EPHB1: variants seen among roughly 807,000 people sequenced by gnomAD.
EPHB1 encodes the protein ephrin type-B receptor 1.
Under a neutral mutation model 94.4 loss-of-function variants are expected in EPHB1, and 30 were observed. The ratio of observed to expected loss-of-function variants is 0.32; its 90% CI spans 0.24 to 0.43. The LOEUF (loss-of-function observed/expected upper bound fraction) is 0.43, where lower values mean the gene tolerates loss of function less well. Ranked by LOEUF, EPHB1 falls within the 20% of genes least tolerant of loss-of-function variation. The probability of loss-of-function intolerance (pLI) is 1.00; values close to 1 mark genes in which losing one functional copy is unlikely to be tolerated. For missense variants in EPHB1, 1,055 were observed against 1,308.3 expected (o/e 0.81, Z 2.99); for synonymous variants, 522 against 489.1 (o/e 1.07, Z -0.89).
At chr3:135,024,858 T>A (rs879734848) in intron 3 of EPHB1, among the ~76,000 whole-genome samples, 1 of 152,158 alleles carries the variant, frequency 6.6e-6, no homozygotes, top group Non-Finnish European at 1.5e-5. Flanking sequence ...TCTTTTGACT[T>A]CCCTTTATCA....
chr3:135,137,668 T>G (rs1265547059), intron 5 of EPHB1, among the ~76,000 whole-genome samples: 1 of 152,146 alleles, frequency 6.6e-6, no homozygotes, highest in Non-Finnish European at 1.5e-5. Context: ...AAAACAGGTG[T>G]CATGATACCT....
chr3:134,854,686 G>T (rs1251215218), intron 1 of EPHB1, among the ~76,000 whole-genome samples: 2 of 152,026 alleles, frequency 1.3e-5, no homozygotes, highest in Non-Finnish European at 1.5e-5. Flanking sequence ...AACTGATCAG[G>T]TTTTCCTCAT....
chr3:134,879,877 TAAAG>T (rs1476927690), intron 1 of EPHB1, among the ~76,000 whole-genome samples: 3 of 151,566 alleles, frequency 2.0e-5, no homozygotes, highest in African/African-American at 7.3e-5. Context: ...TCTACAAAGA[TAAAG>T]AAAGTCAGAG....
Position 134,925,898 on chromosome 3 carries a change from C to T in EPHB1, c.123+18C>T, listed in dbSNP as rs368706329. On this transcript the variant is annotated intron_variant, in intron 2 of 15. Transcript: ENST00000398015. The stretch of plus-strand genomic sequence containing the variant: ...CGTCCGGGGTGAGTATCAAACCATT[C>T]GTCTTTCAGTCCTGCTATGAGGTCC... 1.4e-4 allele frequency: 229 copies of T among 1,588,548 alleles called. No individual in the cohort carries two copies. In the Middle Eastern group the frequency reaches 1.5e-3, roughly 10 times the overall value.
chr3:135,026,796 A>G (rs199817921), intron 3 of EPHB1, among the ~76,000 whole-genome samples: 6,370 of 142,704 alleles, frequency 0.045, 218 homozygotes, highest in East Asian at 0.14. Context: ...TCTGTAAATT[A>G]CCTTGGGCAG....
At chr3:135,014,977 C>G (rs1935743789) in intron 3 of EPHB1, among the ~76,000 whole-genome samples, 1 of 152,126 alleles carries the variant, frequency 6.6e-6, no homozygotes, top group African/African-American at 2.4e-5. Context: ...CAGATTAACC[C>G]CCTGTCTTTA....
At chr3:135,007,328 G>A (rs754473368) in intron 3 of EPHB1, among the ~76,000 whole-genome samples, 3 of 152,156 alleles carry the variant, frequency 2.0e-5, no homozygotes, top group Non-Finnish European at 4.4e-5. Flanking sequence ...TTCATCAAAT[G>A]CACCTTCTGG....
chr3:135,113,426 A>G (rs947229737), intron 4 of EPHB1, among the ~76,000 whole-genome samples: 3 of 152,178 alleles, frequency 2.0e-5, no homozygotes, highest in Non-Finnish European at 4.4e-5. Flanking sequence ...TTTGTTTCAG[A>G]ATTTCACAAG....
chr3:135,046,233 A>G (rs1559808043), intron 3 of EPHB1, among the ~76,000 whole-genome samples: 3 of 152,202 alleles, frequency 2.0e-5, no homozygotes, highest in Non-Finnish European at 2.9e-5. Flanking sequence ...CATGAGACCA[A>G]AAAAGTTTGA....
intron 4 of EPHB1, among the ~76,000 whole-genome samples, chr3:135,114,724 GATAGATAA>G (rs1355894633): frequency 4.9e-5 from 3 of 60,694 alleles, no homozygotes; most frequent in African/African-American, 1.0e-4. Flanking sequence ...CTCTGTCTCA[GATAGATAA>G]ATAAATAAAT....
chr3:135,173,625 G>A (rs1234619460), intron 9 of EPHB1, among the ~76,000 whole-genome samples: 2 of 152,060 alleles, frequency 1.3e-5, no homozygotes, highest in African/African-American at 2.4e-5. Context: ...AGGTCGGTGG[G>A]GCAGACTATT....
At chr3:135,216,910 G>T (rs1943161772) in intron 12 of EPHB1, among the ~76,000 whole-genome samples, 1 of 152,054 alleles carries the variant, frequency 6.6e-6, no homozygotes, top group Non-Finnish European at 1.5e-5. Flanking sequence ...TGGTTGCAAA[G>T]CCCCATCTTT....
intron 2 of EPHB1, among the ~76,000 whole-genome samples, chr3:134,947,762 T>G (rs2039240704): frequency 6.6e-6 from 1 of 152,196 alleles, no homozygotes; most frequent in African/African-American, 2.4e-5. Context: ...ATATCTCAGC[T>G]CCCATAGGAG....
intron 3 of EPHB1, among the ~76,000 whole-genome samples, chr3:135,103,524 C>T (rs561308688): frequency 7.2e-5 from 11 of 152,122 alleles, no homozygotes; most frequent in East Asian, 1.9e-4. Context: ...TTGATGCTAG[C>T]GACATTTCAT....
intron 4 of EPHB1, among the ~76,000 whole-genome samples, chr3:135,126,324 C>T (rs1206349683): frequency 6.6e-6 from 1 of 152,296 alleles, no homozygotes; most frequent in East Asian, 1.9e-4. Flanking sequence ...AAGTGTCCTT[C>T]CTGGCTTATT....
intron 1 of EPHB1, among the ~76,000 whole-genome samples, chr3:134,861,725 A>G (rs1849899): frequency 0.55 from 83,116 of 151,814 alleles, 25,586 homozygotes; most frequent in East Asian, 0.8. Flanking sequence ...CTTGTTTGGC[A>G]TCGGGGGAGG....
chr3:135,250,299 T>G (rs547748822), intron 15 of EPHB1, among the ~76,000 whole-genome samples: 1 of 152,308 alleles, frequency 6.6e-6, no homozygotes, highest in Admixed American at 6.5e-5. Context: ...AACTGTAGTC[T>G]GGGAAATATT....
intron 1 of EPHB1, among the ~76,000 whole-genome samples, chr3:134,816,844 A>C (rs1355130887): frequency 6.6e-6 from 1 of 151,984 alleles, no homozygotes; most frequent in Non-Finnish European, 1.5e-5. Context: ...ATCATGGCCA[A>C]GAGTCGCAGG....
chr3:134,902,367 AC>A (rs933180102), intron 1 of EPHB1, among the ~76,000 whole-genome samples: 2 of 152,180 alleles, frequency 1.3e-5, no homozygotes, highest in Admixed American at 1.3e-4. Context: ...GGAAGGTGCC[AC>A]CCAGTGAGAT....
Sources: allele counts gnomAD v4.1 joint callset (sites outside exome capture counted in the v4.1 genomes callset), GRCh38; gene constraint gnomAD v4.1.1; transcripts MANE v1.5; gene names NCBI Gene and HGNC (gene_info 2026-07-23, HGNC 2026-07-21).